Variants in DAB1 observed in about 807,000 individuals in gnomAD.
The protein encoded by DAB1 is DAB adaptor protein 1.
DAB1 carries 15 observed loss-of-function variants against 64.6 expected under a neutral mutation model. That is an observed-to-expected ratio of 0.23 (90% CI 0.16 to 0.36). The LOEUF is 0.36. Among genes scored for constraint, DAB1 ranks in the 10% least tolerant of loss-of-function variants. The probability of loss-of-function intolerance (pLI) is 1.00; values close to 1 mark genes in which losing one functional copy is unlikely to be tolerated. For missense variants in DAB1, 596 were observed against 706.7 expected (o/e 0.84, Z 1.78); for synonymous variants, 235 against 251.9 (o/e 0.93, Z 0.64).
At chr1:57,859,342 G>A (rs72666132) in intron 1 of DAB1, among the ~76,000 whole-genome samples, 11,505 of 151,984 alleles carry the variant, frequency 0.076, 667 homozygotes, top group Admixed American at 0.21. Flanking sequence ...CTGACTATAT[G>A]TTATTATTAT....
In DAB1 at chr1:58,522,722, T is replaced by C. The variant is rs186220956; in HGVS notation, n.107+4539A>G. 1.6e-4 allele frequency among the ~76,000 whole-genome samples: 25 copies of C among 152,300 alleles called. No individual in the cohort carries two copies. In the South Asian group the frequency reaches 4.1e-3, roughly 25 times the overall value. Reference sequence around the variant, plus strand: ...TTGCCAGTAACACAGTAAATTAACATGTTTTGTATGTTATATGTATTATAT... The same window carrying C: ...TTGCCAGTAACACAGTAAATTAACACGTTTTGTATGTTATATGTATTATAT... On this transcript the variant is annotated intron_variant and non_coding_transcript_variant, in intron 2 of 20. Transcript: ENST00000485760.
intron 3 of DAB1, among the ~76,000 whole-genome samples, chr1:58,388,208 A>C (rs922157288): frequency 1.3e-5 from 2 of 152,092 alleles, no homozygotes; most frequent in African/African-American, 4.8e-5. Flanking sequence ...TTGGGGTATC[A>C]TTTTCTGAGC....
intron 1 of DAB1, among the ~76,000 whole-genome samples, chr1:58,544,336 G>A (rs1646668373): frequency 6.6e-6 from 1 of 152,030 alleles, no homozygotes; most frequent in Non-Finnish European, 1.5e-5. Flanking sequence ...TAGAGATACT[G>A]CAGAGAACAA....
intron 10 of DAB1, among the ~76,000 whole-genome samples, chr1:57,023,840 G>A (rs1646699949): frequency 6.6e-6 from 1 of 152,182 alleles, no homozygotes; most frequent in Non-Finnish European, 1.5e-5. Context: ...TGAGGATTAA[G>A]TGAGATTATG....
chr1:57,267,608 G>A (rs1670685193), intron 2 of DAB1, among the ~76,000 whole-genome samples: 1 of 152,156 alleles, frequency 6.6e-6, no homozygotes, highest in African/African-American at 2.4e-5. Flanking sequence ...ACATACAGGT[G>A]CCCAGGTTCT....
chr1:57,378,309 A>G (rs1681074835), intron 1 of DAB1, among the ~76,000 whole-genome samples: 1 of 152,234 alleles, frequency 6.6e-6, no homozygotes, highest in South Asian at 2.1e-4. Context: ...CTAGTTTAGC[A>G]TTAAAAACAA....
At chr1:57,431,143 C>CAAA (rs77701798) in intron 7 of DAB1, among the ~76,000 whole-genome samples, 2 of 96,410 alleles carry the variant, frequency 2.1e-5, no homozygotes, top group South Asian at 3.4e-4. Context: ...AGGCCAAAAA[C>CAAA]AAAAAAAAAA....
chr1:58,228,920 G>T, intron 4 of DAB1: 1 of 500,170 alleles, frequency 2.0e-6, no homozygotes, highest in Middle Eastern at 3.7e-4. Flanking sequence ...TGTAGAAAAT[G>T]CAATCAAATA....
At chr1:58,003,784 C>T (rs1436525006) in intron 5 of DAB1, among the ~76,000 whole-genome samples, 2 of 152,116 alleles carry the variant, frequency 1.3e-5, no homozygotes, top group African/African-American at 4.8e-5. Flanking sequence ...CACCTGTTGG[C>T]CTTGAAGTTT....
intron 1 of DAB1, among the ~76,000 whole-genome samples, chr1:57,377,050 A>C (rs919500794): frequency 6.6e-6 from 1 of 152,180 alleles, no homozygotes; most frequent in South Asian, 2.1e-4. Context: ...TGGGCAGATC[A>C]CTTGAGTTCA....
chr1:57,562,740 T>C (rs1206103108), intron 7 of DAB1, among the ~76,000 whole-genome samples: 1 of 152,184 alleles, frequency 6.6e-6, no homozygotes, highest in Non-Finnish European at 1.5e-5. Context: ...TCTGCTGACC[T>C]GGTGGTCTTA....
At chr1:57,864,696 T>A (rs942091327) in intron 1 of DAB1, 1 of 149,534 alleles carries the variant, frequency 6.7e-6, no homozygotes, top group African/African-American at 2.5e-5. Flanking sequence ...ATTTATTTAT[T>A]TATATTATAG....
At chr1:57,559,651 C>G (rs1645029020) in intron 7 of DAB1, among the ~76,000 whole-genome samples, 1 of 152,082 alleles carries the variant, frequency 6.6e-6, no homozygotes, top group African/African-American at 2.4e-5. Context: ...ACAGTGGGTC[C>G]AGTGGGTCCC....
intron 7 of DAB1, among the ~76,000 whole-genome samples, chr1:57,546,951 C>A (rs1159432836): frequency 6.6e-6 from 1 of 151,898 alleles, no homozygotes; most frequent in South Asian, 2.1e-4. Flanking sequence ...TTATGCTTAC[C>A]TGCAGGTTCA....
intron 1 of DAB1, among the ~76,000 whole-genome samples, chr1:57,303,653 A>G (rs1159907372): frequency 1.3e-5 from 2 of 151,666 alleles, no homozygotes; most frequent in African/African-American, 4.9e-5. Context: ...AGAAGCCACT[A>G]GGTAGAAAAA....
chr1:57,677,838 A>G (rs1646585775), intron 6 of DAB1, among the ~76,000 whole-genome samples: 1 of 152,212 alleles, frequency 6.6e-6, no homozygotes, highest in Non-Finnish European at 1.5e-5. Flanking sequence ...ATAAGATAGT[A>G]CCAGCCCTCA....
At chr1:58,176,745 C>T (rs576661078) in intron 4 of DAB1, among the ~76,000 whole-genome samples, 18 of 152,074 alleles carry the variant, frequency 1.2e-4, no homozygotes, top group Non-Finnish European at 1.9e-4. Flanking sequence ...TTTGGGAGGC[C>T]GAGGCAGGCA....
intron 4 of DAB1, among the ~76,000 whole-genome samples, chr1:58,272,772 T>C (rs561058374): frequency 6.6e-6 from 1 of 152,244 alleles, no homozygotes; most frequent in East Asian, 1.9e-4. Context: ...CCCTTTACCA[T>C]TTGTCTCTTT....
chr1:58,118,321 G>A (rs1191008755), intron 5 of DAB1, among the ~76,000 whole-genome samples: 1 of 149,384 alleles, frequency 6.7e-6, no homozygotes, highest in African/African-American at 2.5e-5. Context: ...TGTTAGAATA[G>A]GCTATAGCGC....
Sources: allele counts gnomAD v4.1 joint callset (sites outside exome capture counted in the v4.1 genomes callset), GRCh38; gene constraint gnomAD v4.1.1; transcripts MANE v1.5; gene names NCBI Gene and HGNC (gene_info 2026-07-23, HGNC 2026-07-21).